DENND5A: variants seen among roughly 807,000 people sequenced by gnomAD.
DENND5A encodes the protein DENN domain-containing protein 5A.
DENND5A carries 64 observed loss-of-function variants against 140.3 expected under a neutral mutation model. The ratio of observed to expected loss-of-function variants is 0.46; its 90% CI spans 0.37 to 0.56. DENND5A has a LOEUF of 0.56. Ranked by LOEUF, DENND5A falls within the 20% of genes least tolerant of loss-of-function variation. DENND5A has a pLI of 0.00. For missense variants in DENND5A, 1,292 were observed against 1,593.8 expected (o/e 0.81, Z 3.22); for synonymous variants, 605 against 607.7 (o/e 1.00, Z 0.07).
intron 8 of DENND5A, chr11:9,170,984 AT>A (rs1848355292): frequency 1.2e-6 from 1 of 830,154 alleles, no homozygotes; most frequent in African/African-American, 1.7e-5. Flanking sequence ...ACATCAGGCA[AT>A]GAAGGGCAGG....
intron 1 of DENND5A, among the ~76,000 whole-genome samples, chr11:9,253,924 G>A (rs1156766355): frequency 5.9e-5 from 9 of 152,006 alleles, no homozygotes; most frequent in Non-Finnish European, 1.0e-4. Flanking sequence ...TTGGGAGGCC[G>A]AGACGGGCGG....
intron 1 of DENND5A, among the ~76,000 whole-genome samples, chr11:9,263,032 C>T (rs951510073): frequency 6.6e-6 from 1 of 151,954 alleles, no homozygotes; most frequent in Admixed American, 6.6e-5. Context: ...TGAGCCACCG[C>T]GCCCGGCCTA....
chr11:9,214,015 T>A (rs1849988453), intron 1 of DENND5A, among the ~76,000 whole-genome samples: 1 of 152,162 alleles, frequency 6.6e-6, no homozygotes, highest in South Asian at 2.1e-4. Flanking sequence ...TGCTATCCTT[T>A]GCATATTGGC....
chr11:9,261,516 G>A (rs1440935868), intron 1 of DENND5A, among the ~76,000 whole-genome samples: 6 of 151,924 alleles, frequency 3.9e-5, no homozygotes, highest in Non-Finnish European at 8.8e-5. Flanking sequence ...GGTGGCTCAC[G>A]CCTGTAATCC....
At chr11:9,198,766 T>C (rs1277173722) in intron 4 of DENND5A, among the ~76,000 whole-genome samples, 4 of 151,932 alleles carry the variant, frequency 2.6e-5, no homozygotes, top group African/African-American at 7.2e-5. Flanking sequence ...TATACAGTTA[T>C]ATGTTTTAAG....
chr11:9,197,429 C>T (rs1849369345), intron 4 of DENND5A, among the ~76,000 whole-genome samples: 1 of 150,048 alleles, frequency 6.7e-6, no homozygotes. Context: ...AGTGCAGTGG[C>T]TCACGCCTGT....
chr11:9,222,473 G>A (rs1850352405), intron 1 of DENND5A, among the ~76,000 whole-genome samples: 1 of 152,050 alleles, frequency 6.6e-6, no homozygotes, highest in African/African-American at 2.4e-5. Context: ...GCCTGTAATA[G>A]TAAAAGAAAA....
At chr11:9,145,900 C>A (rs773969170) in intron 16 of DENND5A, 85 bp from the exon 17 acceptor site, 6 of 1,442,864 alleles carry the variant, frequency 4.2e-6, no homozygotes, top group African/African-American at 1.4e-5. Flanking sequence ...TCCAGGAAGG[C>A]TGGCACAACT....
At chr11:9,226,256 T>G (rs1850524945) in intron 1 of DENND5A, among the ~76,000 whole-genome samples, 1 of 152,222 alleles carries the variant, frequency 6.6e-6, no homozygotes, top group African/African-American at 2.4e-5. Flanking sequence ...AATTCTATGA[T>G]TCCTCAAAGG....
At chr11:9,177,323 C>T (rs1367425349) in intron 8 of DENND5A, among the ~76,000 whole-genome samples, 1 of 150,940 alleles carries the variant, frequency 6.6e-6, no homozygotes, top group Non-Finnish European at 1.5e-5. Context: ...CATCAACCTT[C>T]CCCTCTTCTT....
intron 1 of DENND5A, among the ~76,000 whole-genome samples, chr11:9,227,762 C>G (rs1361709026): frequency 1.3e-5 from 2 of 151,780 alleles, no homozygotes; most frequent in East Asian, 3.9e-4. Flanking sequence ...CAAGACCAGC[C>G]TGGGCAACAT....
In DENND5A at chr11:9,165,827, AC is replaced by A. The variant is rs1338829226; in HGVS notation, c.2283+8del. 1.2e-6 allele frequency: 2 copies of A among 1,613,896 alleles called. No homozygotes were observed. Among genetic ancestry groups the A allele is most frequent in the Admixed American group, 3.3e-5 (2 of 60,022 alleles). ...AAATAGCACACATACAGAGATGTCCACAGCTTACCTTATTGCGGCATTCCTT... is the reference window on the plus strand; with the variant it reads ...AAATAGCACACATACAGAGATGTCCAAGCTTACCTTATTGCGGCATTCCTT... On this transcript the variant is annotated splice_region_variant and intron_variant, in intron 11 of 22. Transcript: ENST00000328194.
chr11:9,242,864 T>G (rs1021457855), intron 1 of DENND5A: 36 of 150,410 alleles, frequency 2.4e-4, no homozygotes, highest in African/African-American at 8.3e-4. Flanking sequence ...CCGAGGCGGG[T>G]GGATAACGAG....
chr11:9,181,804 G>C (rs1419561318), intron 5 of DENND5A, among the ~76,000 whole-genome samples: 1 of 152,116 alleles, frequency 6.6e-6, no homozygotes, highest in African/African-American at 2.4e-5. Context: ...AACCCTAGGA[G>C]TGAGTTCAAA....
At chr11:9,262,324 T>C (rs1852240689) in intron 1 of DENND5A, among the ~76,000 whole-genome samples, 1 of 152,200 alleles carries the variant, frequency 6.6e-6, no homozygotes, top group South Asian at 2.1e-4. Context: ...TCGCAAAACA[T>C]TCTATCTTCT....
Position 9,150,101 on chromosome 11 carries a change from G to T in DENND5A, c.2715C>A (p.Leu905=). 6.2e-7 allele frequency: 1 copy of T among 1,613,630 alleles called. No individual in the cohort carries two copies. Among genetic ancestry groups the T allele is most frequent in the South Asian group, 1.1e-5 (1 of 91,040 alleles). ...CTTACTTGGTGAGCTCATGGTCTGA[G>T]AGGAGCTGCTTCAGGTGTCTGGAAA... ...KLLSRHLKQL[L]SDHELTKKLY... Residue 905 remains leucine (L), a synonymous_variant, in exon 15 of 23, where the codon CTC becomes CTA. Coordinates refer to ENST00000328194, the MANE Select transcript of DENND5A (RefSeq NM_015213.4).
intron 1 of DENND5A, among the ~76,000 whole-genome samples, chr11:9,243,098 A>C (rs982531508): frequency 1.4e-5 from 2 of 138,450 alleles, no homozygotes; most frequent in African/African-American, 3.2e-5. Context: ...AAAAAAAAAA[A>C]AAAAAACAAA....
intron 1 of DENND5A, among the ~76,000 whole-genome samples, chr11:9,258,737 G>A (rs7941600): frequency 0.092 from 13,406 of 146,320 alleles, 702 homozygotes; most frequent in South Asian, 0.16. Flanking sequence ...AGAATGAAAT[G>A]TGGCAAGGGA....
intron 4 of DENND5A, among the ~76,000 whole-genome samples, chr11:9,199,629 T>C (rs1019057636): frequency 6.6e-6 from 1 of 152,206 alleles, no homozygotes; most frequent in Non-Finnish European, 1.5e-5. Context: ...AAGAAAACAC[T>C]GCTTAAAACT....
Sources: gnomAD v4.1 joint callset for allele counts (sites outside exome capture counted in the v4.1 genomes callset) on GRCh38, gnomAD v4.1.1 for gene constraint, MANE v1.5 for transcripts, NCBI Gene and HGNC (gene_info 2026-07-23, HGNC 2026-07-21) for gene names.